FAAH2: variants seen among roughly 807,000 people sequenced by gnomAD.
FAAH2 encodes fatty acid amide hydrolase 2, also known as fatty-acid amide hydrolase 2.
A neutral mutation model predicts 36.9 loss-of-function variants in FAAH2; 60 were observed. That is an observed-to-expected ratio of 1.63 (90% CI 1.32 to 2.02). The LOEUF is 2.02. Ranked by LOEUF, FAAH2 falls within the 30% of genes most tolerant of loss-of-function variation. The probability of loss-of-function intolerance (pLI) is 0.00; values close to 1 mark genes in which losing one functional copy is unlikely to be tolerated. For synonymous variants in FAAH2, 214 were observed against 143.8 expected (o/e 1.49, Z -3.49); for missense variants, 689 against 397.5 (o/e 1.73, Z -6.23).
At chrX:57,175,596 T>G in the FAAH2 span, among the ~76,000 whole-genome samples, 1 of 111,759 alleles carries the variant, frequency 8.9e-6, no homozygotes, top group Non-Finnish European at 1.9e-5. Context: ...TGAGGTACTA[T>G]TCCAGTCTTC....
At chrX:57,453,847 G>T (rs942797252) in intron 10 of FAAH2, among the ~76,000 whole-genome samples, 15 of 112,324 alleles carry the variant, frequency 1.3e-4, no homozygotes, top group African/African-American at 4.5e-4. Context: ...ATCACTGAGA[G>T]AAGTGGAGAT....
At chrX:57,239,779 G>A in the FAAH2 span, among the ~76,000 whole-genome samples, 1 of 110,933 alleles carries the variant, frequency 9.0e-6, no homozygotes, top group African/African-American at 3.3e-5. Context: ...TGAAGAACTG[G>A]CCTTAAAATC....
rs776733971 is a variant in FAAH2 at position 57,441,295 on chromosome X, T to C, written c.1117-5633T>C. ...AATTTCAGAACCTGTTATTGGTGTATTCAGTGATTCAAATTCTTCCTAGTT... is the reference window on the plus strand; with the variant it reads ...AATTTCAGAACCTGTTATTGGTGTACTCAGTGATTCAAATTCTTCCTAGTT... On this transcript the variant is annotated intron_variant, in intron 8 of 10. Transcript: ENST00000374900. Among the ~76,000 whole-genome samples, 4 of 111,645 alleles carry C rather than the reference T, an allele frequency of 3.6e-5. No homozygotes were observed. In the South Asian group the frequency reaches 1.5e-3, roughly 42 times the overall value.
intron 7 of FAAH2, chrX:57,394,334 T>C: frequency 8.8e-7 from 1 of 1,140,839 alleles, no homozygotes; most frequent in East Asian, 3.0e-5. Context: ...CACCACCTGA[T>C]ATTTCCCAAC....
chrX:57,349,300 T>TATAC (rs1415071751), intron 5 of FAAH2, among the ~76,000 whole-genome samples: 1 of 96,630 alleles, frequency 1.0e-5, no homozygotes, highest in African/African-American at 3.7e-5. Flanking sequence ...TATACACAGA[T>TATAC]ATACATACAT....
intron 4 of FAAH2, among the ~76,000 whole-genome samples, chrX:57,337,657 A>G (rs764275575): frequency 2.7e-5 from 3 of 112,262 alleles, no homozygotes; most frequent in Admixed American, 9.4e-5. Context: ...GATAAAAAAC[A>G]TGATTATTTC....
rs748651252 is a variant in FAAH2 at position 57,488,908 on chromosome X, C to T, written c.1575C>T (p.Gly525=). The change falls in exon 11 of 11, where the codon GGC becomes GGT. Residue 525 remains glycine (G), a synonymous_variant. Transcript: ENST00000374900. ...AGTACTTGGAGAAAACTTTTGGGGGCTGGGTCTGTCCAGGAAAGTTTTAGG... is the reference window on the plus strand; with the variant it reads ...AGTACTTGGAGAAAACTTTTGGGGGTTGGGTCTGTCCAGGAAAGTTTTAGG... ...VAQYLEKTFG[G]WVCPGKF 5.8e-6 allele frequency: 7 copies of T among 1,208,080 alleles called. No homozygotes were observed. Among genetic ancestry groups the T allele is most frequent in the Middle Eastern group, 2.3e-4 (1 of 4,310 alleles).
At chrX:57,337,910 T>C (rs2053594024) in intron 4 of FAAH2, among the ~76,000 whole-genome samples, 1 of 111,699 alleles carries the variant, frequency 9.0e-6, no homozygotes, top group Non-Finnish European at 1.9e-5. Context: ...GCCAGACAAT[T>C]AGGCAAGAAA....
intron 10 of FAAH2, among the ~76,000 whole-genome samples, chrX:57,484,099 C>G (rs1260039299): frequency 9.0e-6 from 1 of 111,005 alleles, no homozygotes; most frequent in Non-Finnish European, 1.9e-5. Flanking sequence ...GCCACTGCGC[C>G]CAGCCACTGG....
chrX:57,449,955 C>A (rs1038048558), intron 10 of FAAH2, among the ~76,000 whole-genome samples: 1 of 111,866 alleles, frequency 8.9e-6, no homozygotes, highest in Admixed American at 9.5e-5. Flanking sequence ...CATGAGCCAC[C>A]ATGCCTGGCC....
intron 7 of FAAH2, chrX:57,393,382 G>A (rs948121763): frequency 8.3e-6 from 6 of 726,784 alleles, no homozygotes; most frequent in East Asian, 3.2e-5. Flanking sequence ...GGTGGAGACC[G>A]GAATACTGGG....
At chrX:57,150,063 A>C in the FAAH2 span, among the ~76,000 whole-genome samples, 457 of 111,950 alleles carry the variant, frequency 4.1e-3, 2 homozygotes, top group African/African-American at 0.014. Flanking sequence ...CATGTAGTTG[A>C]ACGGTTTTGA....
At chrX:57,195,937 CTCTT>C in the FAAH2 span, among the ~76,000 whole-genome samples, 3 of 112,129 alleles carry the variant, frequency 2.7e-5, no homozygotes, top group African/African-American at 9.7e-5. Context: ...TTCTGGTTCT[CTCTT>C]CTGGTCCATT....
intron 10 of FAAH2, among the ~76,000 whole-genome samples, chrX:57,462,321 G>T (rs1256714129): frequency 9.0e-6 from 1 of 111,139 alleles, no homozygotes; most frequent in African/African-American, 3.3e-5. Context: ...GGCCAGCATT[G>T]TCCTGATTCC....
chrX:57,319,344 T>C (rs1438105175), intron 3 of FAAH2, among the ~76,000 whole-genome samples: 2 of 111,890 alleles, frequency 1.8e-5, no homozygotes, highest in Non-Finnish European at 3.8e-5. Flanking sequence ...AAAATCAATG[T>C]GCAAAAATCA....
chrX:57,295,898 G>A (rs1051178124), intron 2 of FAAH2, among the ~76,000 whole-genome samples: 4 of 112,401 alleles, frequency 3.6e-5, no homozygotes, highest in South Asian at 3.7e-4. Flanking sequence ...AGGCAGCAGC[G>A]AGGCTGGGGG....
chrX:57,486,246 T>G (rs748690310), intron 10 of FAAH2, among the ~76,000 whole-genome samples: 1 of 111,771 alleles, frequency 8.9e-6, no homozygotes, highest in East Asian at 2.8e-4. Flanking sequence ...CATTAGGTAC[T>G]TCCTTTCACA....
chrX:57,424,469 G>A (rs929468490), intron 7 of FAAH2, among the ~76,000 whole-genome samples: 3 of 111,780 alleles, frequency 2.7e-5, no homozygotes, highest in African/African-American at 9.8e-5. Flanking sequence ...GCTGACACAA[G>A]CTTGAGGTAT....
chrX:57,161,052 A>G, the FAAH2 span, among the ~76,000 whole-genome samples: 10 of 111,957 alleles, frequency 8.9e-5, no homozygotes, highest in African/African-American at 3.2e-4. Context: ...AGATTCTGGT[A>G]TGTTGTGTCT....
Sources: allele counts gnomAD v4.1 joint callset (sites outside exome capture counted in the v4.1 genomes callset), GRCh38; gene constraint gnomAD v4.1.1; transcripts MANE v1.5; gene names NCBI Gene and HGNC (gene_info 2026-07-23, HGNC 2026-07-21).